Variants in GRHL2 observed in about 807,000 individuals in gnomAD.
The protein encoded by GRHL2 is grainyhead-like protein 2 homolog.
Under a neutral mutation model 83.8 loss-of-function variants are expected in GRHL2, and 21 were observed. That is an observed-to-expected ratio of 0.25 (90% CI 0.18 to 0.36). The LOEUF is 0.36. Ranked by LOEUF, GRHL2 falls within the 10% of genes least tolerant of loss-of-function variation. The probability of loss-of-function intolerance (pLI) is 1.00; values close to 1 mark genes in which losing one functional copy is unlikely to be tolerated. For synonymous variants in GRHL2, 280 were observed against 278.9 expected, an observed-to-expected ratio of 1.00 and a Z score of -0.04; for missense variants, 623 against 781.8, an observed-to-expected ratio of 0.80 and a Z score of 2.42.
intron 8 of GRHL2, among the ~76,000 whole-genome samples, chr8:101,603,672 C>T (rs950968197): frequency 6.6e-6 from 1 of 152,196 alleles, no homozygotes; most frequent in African/African-American, 2.4e-5. Context: ...CAACCCAAAA[C>T]CCGTTTTGCT....
intron 1 of GRHL2, among the ~76,000 whole-genome samples, chr8:101,506,686 A>G (rs1810346814): frequency 6.6e-6 from 1 of 152,178 alleles, no homozygotes; most frequent in African/African-American, 2.4e-5. Context: ...AGAACAGGAG[A>G]CATAAATATT....
At chr8:101,510,245 C>T (rs1377484277) in intron 1 of GRHL2, among the ~76,000 whole-genome samples, 1 of 152,144 alleles carries the variant, frequency 6.6e-6, no homozygotes, top group Non-Finnish European at 1.5e-5. Context: ...GATCAGCCCA[C>T]CTCTGCCACC....
At chr8:101,556,208 C>T (rs943471305) in intron 3 of GRHL2, among the ~76,000 whole-genome samples, 5 of 152,122 alleles carry the variant, frequency 3.3e-5, no homozygotes, top group South Asian at 2.1e-4. Context: ...CCACCCACCT[C>T]GGCCTCCCAA....
chr8:101,513,431 G>C (rs1260418337), intron 1 of GRHL2, among the ~76,000 whole-genome samples: 1 of 150,956 alleles, frequency 6.6e-6, no homozygotes, highest in Non-Finnish European at 1.5e-5. Flanking sequence ...TATTGTAACT[G>C]ACACGGGTCT....
intron 8 of GRHL2, among the ~76,000 whole-genome samples, chr8:101,600,852 G>A (rs1485721331): frequency 6.6e-6 from 1 of 152,146 alleles, no homozygotes; most frequent in Admixed American, 6.5e-5. Flanking sequence ...TCGTGTAACT[G>A]GAAGTGTCTT....
chr8:101,569,308 T>C (rs1368078883), intron 4 of GRHL2, among the ~76,000 whole-genome samples: 1 of 152,208 alleles, frequency 6.6e-6, no homozygotes, highest in Admixed American at 6.5e-5. Context: ...TGTGTAATAC[T>C]AAACTTAGTT....
chr8:101,526,160 G>C (rs1039368281), intron 1 of GRHL2, among the ~76,000 whole-genome samples: 1 of 152,070 alleles, frequency 6.6e-6, no homozygotes, highest in African/African-American at 2.4e-5. Flanking sequence ...CTGATAGTTG[G>C]AAAAGGAAAA....
intron 8 of GRHL2, among the ~76,000 whole-genome samples, chr8:101,599,487 G>A (rs1275056855): frequency 6.6e-6 from 1 of 152,200 alleles, no homozygotes; most frequent in Non-Finnish European, 1.5e-5. Context: ...GACACAGAGA[G>A]AGGAGCTCAG....
intron 7 of GRHL2, among the ~76,000 whole-genome samples, chr8:101,591,603 T>C (rs551422122): frequency 6.6e-6 from 1 of 152,292 alleles, no homozygotes; most frequent in African/African-American, 2.4e-5. Context: ...ATATGGGCAG[T>C]GGTTAAAAGT....
At chr8:101,595,916 C>A (rs917636922) in intron 7 of GRHL2, among the ~76,000 whole-genome samples, 1 of 151,908 alleles carries the variant, frequency 6.6e-6, no homozygotes, top group African/African-American at 2.4e-5. Context: ...GTCAGGAGAT[C>A]GAGACCATCC....
At chr8:101,534,538 C>T (rs1811002384) in intron 1 of GRHL2, among the ~76,000 whole-genome samples, 1 of 151,976 alleles carries the variant, frequency 6.6e-6, no homozygotes, top group African/African-American at 2.4e-5. Context: ...TATAGACCAA[C>T]CCTGGTCCAG....
chr8:101,532,269 A>C (rs140695608), intron 1 of GRHL2, among the ~76,000 whole-genome samples: 1 of 152,228 alleles, frequency 6.6e-6, no homozygotes, highest in East Asian at 1.9e-4. Context: ...GAAAAAGGCC[A>C]ATATTCCAAA....
At chr8:101,649,532 A>G (rs372820807) in intron 14 of GRHL2, 33 bp downstream of exon 14, 106 of 1,519,544 alleles carry the variant, frequency 7.0e-5, no homozygotes, top group Non-Finnish European at 9.6e-5. Flanking sequence ...CCTCCAGGAA[A>G]CCTGCTGTGT....
chr8:101,554,034 T>C (rs1811442327), intron 3 of GRHL2, among the ~76,000 whole-genome samples: 1 of 152,268 alleles, frequency 6.6e-6, no homozygotes, highest in Admixed American at 6.5e-5. Context: ...CATATGGAAG[T>C]AAAATCCCCT....
At chr8:101,495,983 C>T (rs533345) in intron 1 of GRHL2, among the ~76,000 whole-genome samples, 123,089 of 151,520 alleles carry the variant, frequency 0.81, 51,490 homozygotes, top group Non-Finnish European at 0.93. Context: ...CCTGTCTCTA[C>T]TAAATATACA....
chr8:101,588,698 G>T (rs914270426), intron 7 of GRHL2, among the ~76,000 whole-genome samples: 1 of 152,162 alleles, frequency 6.6e-6, no homozygotes, highest in East Asian at 1.9e-4. Context: ...TCTTTCTTCT[G>T]CACTGCCAAT....
At chr8:101,670,480 C>A (rs879321289), downstream of GRHL2, among the ~76,000 whole-genome samples, 5 of 152,218 alleles carry the variant, frequency 3.3e-5, no homozygotes, top group Admixed American at 6.5e-5. Context: ...GTGCCTAGAC[C>A]AGGGACTGGG....
intron 4 of GRHL2, among the ~76,000 whole-genome samples, chr8:101,567,606 TA>T (rs1811742632): frequency 6.6e-6 from 1 of 152,222 alleles, no homozygotes. Context: ...TCTATGTTTG[TA>T]ACATGGTAAC....
intron 7 of GRHL2, among the ~76,000 whole-genome samples, chr8:101,592,100 CTTT>C (rs11382067): frequency 8.9e-5 from 8 of 90,302 alleles, no homozygotes; most frequent in African/African-American, 2.3e-4. Context: ...TCTTTCTTTT[CTTT>C]TTTTTTTTTT....
Sources: gnomAD v4.1 joint callset for allele counts (sites outside exome capture counted in the v4.1 genomes callset) on GRCh38, gnomAD v4.1.1 for gene constraint, MANE v1.5 for transcripts, NCBI Gene and HGNC (gene_info 2026-07-23, HGNC 2026-07-21) for gene names.